SPTA1: variants seen among roughly 807,000 people sequenced by gnomAD.
SPTA1 encodes spectrin alpha, erythrocytic 1.
A neutral mutation model predicts 324.7 loss-of-function variants in SPTA1; 177 were observed. The ratio of observed to expected loss-of-function variants is 0.55; its 90% CI spans 0.48 to 0.62. The LOEUF is 0.62. Ranked by LOEUF, SPTA1 falls within the 20% of genes least tolerant of loss-of-function variation. The pLI is 0.00. For synonymous variants in SPTA1, 1,195 were observed against 1,041.3 expected, an observed-to-expected ratio of 1.15 and a Z score of -2.84; for missense variants, 3,162 against 2,883.6, an observed-to-expected ratio of 1.10 and a Z score of -2.21.
rs1285275530 is a variant in SPTA1 at position 158,611,176 on chromosome 1, T to C, written c.*88A>G. On this transcript the variant is annotated 3_prime_UTR_variant, in exon 52 of 52. Transcript: ENST00000643759. Reference sequence around the variant, plus strand: ...ACACACACACACACACGAGGCCATCTTTATCTTCCACATTTGCCTGTACTC... The same window carrying C: ...ACACACACACACACACGAGGCCATCCTTATCTTCCACATTTGCCTGTACTC... 1.5e-6 allele frequency: 2 copies of C among 1,378,722 alleles called. No individual in the cohort carries two copies. Among genetic ancestry groups the C allele is most frequent in the African/African-American group, 1.5e-5 (1 of 65,716 alleles). 85.4% of individuals were successfully genotyped at this position (1,378,722 alleles called of 1,614,324 possible).
intron 26 of SPTA1, 77 bp downstream of exon 26, chr1:158,648,432 A>G: frequency 1.9e-6 from 3 of 1,589,868 alleles, no homozygotes; most frequent in Non-Finnish European, 2.6e-6. Context: ...GAAAAAGAGA[A>G]CCAAAGAAGA....
chr1:158,637,889 G>A, intron 36 of SPTA1, 144 bp downstream of exon 36: 12 of 1,033,918 alleles, frequency 1.2e-5, no homozygotes, highest in Non-Finnish European at 1.3e-5. Context: ...TAAAACCAAT[G>A]TTAACCTTAA....
In SPTA1 at chr1:158,676,285, A is replaced by G. The variant is rs1368106044; in HGVS notation, c.968T>C (p.Leu323Ser). Residue 323 changes from leucine (L) to serine (S), a missense_variant, in exon 8 of 52, where the codon TTA becomes TCA. Physicochemically the swap from Leu to Ser is moderately radical, Grantham distance 145. Transcript: ENST00000643759. The part of the protein sequence containing the change: ...LAVMSDKVKE[L>S]CAKAEKLTLS... The stretch of plus-strand genomic sequence containing the variant: ...TGTCAGCTTCTCTGCTTTAGCACAT[A>G]ACTCCTTCACCTTTGGGATGAAAAA... 1 of 1,613,554 alleles carries G rather than the reference A, an allele frequency of 6.2e-7. No individual in the cohort carries two copies. Among genetic ancestry groups the G allele is most frequent in the Non-Finnish European group, 8.5e-7 (1 of 1,179,676 alleles).
rs1474679648 is a variant in SPTA1 at position 158,640,016 on chromosome 1, A to G, written c.4738-9T>C. 1 of 1,613,700 alleles carries G rather than the reference A, an allele frequency of 6.2e-7. No homozygotes were observed. The highest frequency in any genetic ancestry group is 8.5e-7 in the Non-Finnish European group (1 of 1,179,772). ...AGCTGTTCCAGTTGCTCCTAACCCA[A>G]GGAGAGTGAGGAGTCATTACAATCT... is the stretch of plus-strand genomic sequence containing the variant. On this transcript the variant is annotated splice_polypyrimidine_tract_variant and intron_variant, in intron 33 of 51. Coordinates refer to ENST00000643759, the MANE Select transcript of SPTA1 (RefSeq NM_003126.4).
Position 158,623,128 on chromosome 1 carries a change from T to C in SPTA1, c.5975A>G (p.Lys1992Arg). The change falls in exon 43 of 52, where the codon AAG (lysine) becomes AGG (arginine). Residue 1992 changes from lysine (K) to arginine (R), a missense_variant. Coordinates refer to ENST00000643759, the MANE Select transcript of SPTA1 (RefSeq NM_003126.4). ...GTGTTGAGCAGAAATCAGTTTGTCC[T>C]TCAGGTCAGTGATCTCGGGAAGTCT... is the stretch of plus-strand genomic sequence containing the variant. Reference protein sequence around the residue: ...QERLPEITDLKDKLISAQHNQ... With the variant: ...QERLPEITDLRDKLISAQHNQ... 1.2e-6 allele frequency: 2 copies of C among 1,614,166 alleles called. No individual in the cohort carries two copies. The highest frequency in any genetic ancestry group is 2.2e-5 in the South Asian group (2 of 91,078).
At chr1:158,650,052 T>A (rs1344968904) in intron 24 of SPTA1, 105 bp from the exon 25 acceptor site, 5 of 831,796 alleles carry the variant, frequency 6.0e-6, no homozygotes, top group Middle Eastern at 2.2e-4. Context: ...TTTTACGTTA[T>A]TTTCTTCAGA....
chr1:158,654,472 A>G, intron 21 of SPTA1, 139 bp downstream of exon 21: 2 of 1,197,288 alleles, frequency 1.7e-6, no homozygotes, highest in African/African-American at 1.5e-5. Context: ...GAAAAATACT[A>G]CCTAATCAGT....
intron 48 of SPTA1, 28 bp from the exon 49 acceptor site, chr1:158,614,334 T>G: frequency 2.7e-6 from 4 of 1,486,370 alleles, no homozygotes; most frequent in Non-Finnish European, 2.8e-6. Context: ...AACATGAATT[T>G]TCCCTGTATA....
chr1:158,647,686 C>G lies in SPTA1; in HGVS notation c.3749G>C (p.Ser1250Thr), dbSNP rs1327539277. Residue 1250 changes from serine to threonine, a missense_variant, in exon 27 of 52, where the codon AGT becomes ACT. Transcript: ENST00000643759. ...CTCAGTGGCATCTGGATGGGACTCA[C>G]TGAGCCGCTCTGCTGTCTCCCCCAG... ...TILGETAERL[S>T]ESHPDATEDL... 1 of 1,613,952 alleles carries G rather than the reference C, an allele frequency of 6.2e-7. No individual in the cohort carries two copies.
chr1:158,657,792 A>C, intron 18 of SPTA1, 98 bp from the exon 19 acceptor site: 4 of 1,251,824 alleles, frequency 3.2e-6, no homozygotes, highest in Non-Finnish European at 4.6e-6. Flanking sequence ...GAAGTGATAA[A>C]AATGGTATGT....
Position 158,643,408 on chromosome 1 carries a change from G to A in SPTA1, c.4356C>T (p.Asp1452=), listed in dbSNP as rs764915646. 2 of 1,613,602 alleles carry A rather than the reference G, an allele frequency of 1.2e-6. No individual in the cohort carries two copies. The highest frequency in any genetic ancestry group is 2.2e-5 in the South Asian group (2 of 91,072). The change falls in exon 31 of 52, where the codon GAC becomes GAT. Residue 1452 remains aspartate, a synonymous_variant. Transcript: ENST00000643759. ...AITAQEGKIT[D]LEHFAESLIA... ...TGAGGCTCTCAGCAAAATGTTCTAG[G>A]TCAGTGATCTTCCCTTCCTAAATAA...
chr1:158,627,544 A>G (rs1007417602), intron 40 of SPTA1, 81 bp downstream of exon 40: 20 of 1,336,022 alleles, frequency 1.5e-5, no homozygotes, highest in Non-Finnish European at 1.8e-5. Flanking sequence ...TGCTCTCTGC[A>G]TATGATCTTA....
At chr1:158,648,892 C>G (rs181595951) in intron 25 of SPTA1, among the ~76,000 whole-genome samples, 84 of 152,172 alleles carry the variant, frequency 5.5e-4, no homozygotes, top group Non-Finnish European at 5.1e-4. Flanking sequence ...AAACTGAGGA[C>G]TAAAGAGGGT....
At position 158,659,810 on chromosome 1, in the gene SPTA1, C is replaced by T. The variant is rs1419678230; in HGVS notation, c.2587+1477G>A. Among the ~76,000 whole-genome samples, 2 of 68,598 alleles carry T rather than the reference C, an allele frequency of 2.9e-5. 1 individual carries two copies. Among genetic ancestry groups the T allele is most frequent in the Non-Finnish European group, 4.8e-5 (2 of 41,454 alleles). 45.0% of individuals were successfully genotyped at this position (68,598 alleles called of 152,430 possible). ...TATTTTTAGTAGAGACGGGGTTTCA[C>T]CTTGTTAGCCAGGATGGTCTCGATC... On this transcript the variant is annotated intron_variant, in intron 18 of 51. Coordinates refer to ENST00000643759, the MANE Select transcript of SPTA1 (RefSeq NM_003126.4).
chr1:158,629,953 G>T (rs1247211844), intron 39 of SPTA1, among the ~76,000 whole-genome samples: 1 of 151,616 alleles, frequency 6.6e-6, no homozygotes, highest in African/African-American at 2.4e-5. Flanking sequence ...GAGGTGAAAA[G>T]CTCATACACT....
intron 44 of SPTA1, among the ~76,000 whole-genome samples, chr1:158,619,709 A>G (rs1649789848): frequency 6.6e-6 from 1 of 152,178 alleles, no homozygotes; most frequent in Non-Finnish European, 1.5e-5. Flanking sequence ...AAATGGTGAT[A>G]TTGTGGTTAG....
chr1:158,610,954 C>A lies in SPTA1; in HGVS notation c.*310G>T, dbSNP rs1649214013. The A allele has an allele frequency of 7.3e-6, 2 of 272,470 alleles. No homozygotes were observed. Among genetic ancestry groups the A allele is most frequent in the Non-Finnish European group, 7.1e-6 (1 of 139,868 alleles). 16.9% of individuals were successfully genotyped at this position (272,470 alleles called of 1,614,324 possible). A position where few individuals can be genotyped will look rare whatever the true frequency, so the allele number is the denominator to read the frequency against. ...ACTTTATTCTATAATCGGAATAAAG[C>A]AAAATGATAAAGACGTGCAAAACAG... On this transcript the variant is annotated 3_prime_UTR_variant, in exon 52 of 52. Coordinates refer to ENST00000643759, the MANE Select transcript of SPTA1 (RefSeq NM_003126.4).
Position 158,657,469 on chromosome 1 carries a change from C to CCCCCAA in SPTA1, c.2805+7_2805+8insTTGGGG. The stretch of plus-strand genomic sequence containing the variant: ...GGATTCACAATGTTAAACCCACCCC[C>CCCCCAA]ACCTTACCCCAGCTGCTTCTTCATC... On this transcript the variant is annotated splice_region_variant and intron_variant, in intron 19 of 51. Transcript: ENST00000643759. 1 of 1,531,988 alleles carries CCCCCAA rather than the reference C, an allele frequency of 6.5e-7. No homozygotes were observed. Among genetic ancestry groups the CCCCCAA allele is most frequent in the Non-Finnish European group, 9.0e-7 (1 of 1,107,014 alleles). The allele number at this position is 1,531,988 out of a possible 1,614,324, so 94.9% of individuals were successfully genotyped here.
chr1:158,649,301 T>C (rs546311917), intron 25 of SPTA1, among the ~76,000 whole-genome samples: 1 of 152,136 alleles, frequency 6.6e-6, no homozygotes, highest in Non-Finnish European at 1.5e-5. Context: ...ATTTTGAAGA[T>C]AAGGGTCTCA....
Sources: gnomAD v4.1 joint callset for allele counts (sites outside exome capture counted in the v4.1 genomes callset) on GRCh38, gnomAD v4.1.1 for gene constraint, MANE v1.5 for transcripts, NCBI Gene and HGNC (gene_info 2026-07-23, HGNC 2026-07-21) for gene names.